Variants in CCDC92B observed in about 807,000 individuals in gnomAD.
CCDC92B encodes coiled-coil domain containing 92B.
CCDC92B carries 2 observed loss-of-function variants against 5.6 expected under a neutral mutation model. The ratio of observed to expected loss-of-function variants is 0.36; its 90% CI spans 0.15 to 1.12. The LOEUF (loss-of-function observed/expected upper bound fraction) is 1.12, where lower values mean the gene tolerates loss of function less well. Among genes scored for constraint, CCDC92B ranks in the 50% most tolerant of loss-of-function variants. The pLI, the probability that CCDC92B is intolerant of heterozygous loss-of-function variation, is 0.40. For missense variants in CCDC92B, 271 were observed against 262.2 expected, an observed-to-expected ratio of 1.03 and a Z score of -0.23; for synonymous variants, 115 against 122.3, an observed-to-expected ratio of 0.94 and a Z score of 0.39.
chr17:2,742,153 C>A (rs2070933620), intron 1 of CCDC92B, among the ~76,000 whole-genome samples: 2 of 151,674 alleles, frequency 1.3e-5, no homozygotes, highest in South Asian at 4.2e-4. Flanking sequence ...CTCATTGCAG[C>A]CTCCAACTCC....
rs1450933872 is a variant in CCDC92B, at chr17:2,724,379, T to A, written c.*32A>T. The A allele has an allele frequency of 1.0e-6, 1 of 984,794 alleles. No individual in the cohort carries two copies. Among genetic ancestry groups the A allele is most frequent in the African/African-American group, 1.8e-5 (1 of 57,136 alleles). The allele number at this position is 984,794 out of a possible 1,614,324, so 61.0% of individuals were successfully genotyped here. A position where few individuals can be genotyped will look rare whatever the true frequency, so the allele number is the denominator to read the frequency against. The stretch of plus-strand genomic sequence containing the variant: ...CTGCGTCCCTGGCCGGCCCTCCCCG[T>A]CCGTCCCGCGTCACCCCGGCCAGCC... On this transcript the variant is annotated 3_prime_UTR_variant, in exon 4 of 4. Transcript: ENST00000614400. This position sits in a 1 kb window ranked among gnomAD's most constrained non-coding sequence, Gnocchi z 5.0.
chr17:2,728,796 G>A (rs2070765474), intron 3 of CCDC92B, among the ~76,000 whole-genome samples: 5 of 152,138 alleles, frequency 3.3e-5, no homozygotes, highest in Admixed American at 3.3e-4. Flanking sequence ...CCAAGAGGTT[G>A]CCTGTGGTTG....
chr17:2,739,881 C>T (rs752250211), intron 1 of CCDC92B, among the ~76,000 whole-genome samples: 9 of 152,006 alleles, frequency 5.9e-5, no homozygotes, highest in Non-Finnish European at 1.3e-4. Context: ...CTACTATTGC[C>T]AAGCACTGTC....
chr17:2,745,876 TCCTGAG>T (rs2070979855), intron 1 of CCDC92B, among the ~76,000 whole-genome samples: 1 of 152,198 alleles, frequency 6.6e-6, no homozygotes, highest in Admixed American at 6.5e-5. Flanking sequence ...CTGTCCACTG[TCCTGAG>T]CACCTCAGAG....
At chr17:2,729,234 T>C (rs1424902111) in intron 3 of CCDC92B, among the ~76,000 whole-genome samples, 1 of 152,146 alleles carries the variant, frequency 6.6e-6, no homozygotes, top group Non-Finnish European at 1.5e-5. Flanking sequence ...CTCACACCTG[T>C]ACTTCCAGCA....
chr17:2,737,258 G>A (rs2070867704), intron 1 of CCDC92B, among the ~76,000 whole-genome samples: 1 of 152,060 alleles, frequency 6.6e-6, no homozygotes, highest in Non-Finnish European at 1.5e-5. Context: ...CAGTGGGAGA[G>A]ACAGGCCAGT....
intron 2 of CCDC92B, among the ~76,000 whole-genome samples, chr17:2,731,811 C>T (rs1436015871): frequency 1.3e-5 from 2 of 152,246 alleles, no homozygotes; most frequent in Non-Finnish European, 2.9e-5. Flanking sequence ...GCCCAGGGAC[C>T]TTGGCCTAGG....
chr17:2,722,712 G>C lies in CCDC92B; in HGVS notation c.*1699C>G, dbSNP rs2070671573. 2 of 152,336 alleles carry C rather than the reference G, an allele frequency of 1.3e-5. No homozygotes were observed. Among genetic ancestry groups the C allele is most frequent in the Non-Finnish European group, 1.5e-5 (1 of 68,120 alleles). The allele number at this position is 152,336 out of a possible 1,614,324, so 9.4% of individuals were successfully genotyped here. On this transcript the variant is annotated 3_prime_UTR_variant, in exon 4 of 4. Transcript: ENST00000614400. ...CCCAGACCCCTGCGTGACAGAATGTGTGGCCTCAGCCAGGGTCAGGACCTG... is the reference window on the plus strand; with the variant it reads ...CCCAGACCCCTGCGTGACAGAATGTCTGGCCTCAGCCAGGGTCAGGACCTG...
chr17:2,742,097 G>A (rs1288406081), intron 1 of CCDC92B, among the ~76,000 whole-genome samples: 1 of 150,152 alleles, frequency 6.7e-6, no homozygotes, highest in Non-Finnish European at 1.5e-5. Flanking sequence ...TTTGAGACGG[G>A]ATCTCACTCT....
intron 1 of CCDC92B, among the ~76,000 whole-genome samples, chr17:2,744,216 CAA>C (rs2070959497): frequency 6.8e-6 from 1 of 147,574 alleles, no homozygotes; most frequent in Non-Finnish European, 1.5e-5. Flanking sequence ...TTTGTAGAGA[CAA>C]GAGTTTCACT....
At chr17:2,740,091 T>G (rs1035151974) in intron 1 of CCDC92B, among the ~76,000 whole-genome samples, 3 of 152,100 alleles carry the variant, frequency 2.0e-5, no homozygotes, top group African/African-American at 7.3e-5. Flanking sequence ...GCTTTAGATT[T>G]GAGGTGAGGA....
chr17:2,740,585 C>T (rs2070914619), intron 1 of CCDC92B, among the ~76,000 whole-genome samples: 1 of 151,856 alleles, frequency 6.6e-6, no homozygotes, highest in African/African-American at 2.4e-5. Context: ...ATCACTTGAA[C>T]CCAGGAGGCG....
intron 3 of CCDC92B, among the ~76,000 whole-genome samples, chr17:2,727,823 C>CA (rs11456542): frequency 0.48 from 56,600 of 118,250 alleles, 12,235 homozygotes; most frequent in Non-Finnish European, 0.54. Flanking sequence ...GACTCCGTCT[C>CA]AAAAAAAAAA....
At chr17:2,747,942 C>T (rs1394110208) in intron 1 of CCDC92B, 2 of 339,996 alleles carry the variant, frequency 5.9e-6, no homozygotes, top group South Asian at 4.6e-5. Context: ...AACAACCCCA[C>T]GTTGAAGATT....
chr17:2,743,448 A>G (rs1486230269), intron 1 of CCDC92B, among the ~76,000 whole-genome samples: 1 of 152,154 alleles, frequency 6.6e-6, no homozygotes, highest in African/African-American at 2.4e-5. Flanking sequence ...TAACAAAAAC[A>G]AATATAAGTC....
chr17:2,733,949 G>A lies in CCDC92B; in HGVS notation c.130+1067C>T, dbSNP rs372503888. 1.9e-4 allele frequency among the ~76,000 whole-genome samples: 29 copies of A among 151,438 alleles called. No homozygotes were observed. The South Asian group carries it at 4.4e-3, about 23-fold the overall frequency. Reference sequence around the variant, plus strand: ...AATTTTTTGTATTTTTAGTAGAGACGGGGTTTCGCCACGTTGGCCAGGCTG... The same window carrying A: ...AATTTTTTGTATTTTTAGTAGAGACAGGGTTTCGCCACGTTGGCCAGGCTG... On this transcript the variant is annotated intron_variant, in intron 2 of 3. Coordinates refer to ENST00000614400, the MANE Select transcript of CCDC92B (RefSeq NM_001355573.2).
At chr17:2,734,154 G>A (rs748621911) in intron 2 of CCDC92B, among the ~76,000 whole-genome samples, 1 of 152,056 alleles carries the variant, frequency 6.6e-6, no homozygotes, top group Non-Finnish European at 1.5e-5. Context: ...TTCGACCTTT[G>A]CCGTGCTGTT....
In CCDC92B at chr17:2,721,888, G is replaced by C. The variant is rs972600457; in HGVS notation, c.*2523C>G. ...TGGGTGGAGCTGATGGGGTCACTTC[G>C]GGAGAAGCAGGCAGGCCACTGGAAG... On this transcript the variant is annotated 3_prime_UTR_variant, in exon 4 of 4. Transcript: ENST00000614400. 1 of 152,258 alleles carries C rather than the reference G, an allele frequency of 6.6e-6. No individual in the cohort carries two copies. The highest frequency in any genetic ancestry group is 1.5e-5 in the Non-Finnish European group (1 of 68,146). The allele number at this position is 152,258 out of a possible 1,614,324, so 9.4% of individuals were successfully genotyped here.
chr17:2,739,254 C>T (rs2070896786), intron 1 of CCDC92B, among the ~76,000 whole-genome samples: 1 of 150,842 alleles, frequency 6.6e-6, no homozygotes, highest in Non-Finnish European at 1.5e-5. Context: ...GTAGTCCCAG[C>T]TACTCGGGAG....
Sources: gnomAD v4.1 joint callset for allele counts (sites outside exome capture counted in the v4.1 genomes callset) on GRCh38, gnomAD v4.1.1 for gene constraint, Gnocchi (gnomAD v3.1) non-coding constraint, MANE v1.5 for transcripts, NCBI Gene and HGNC (gene_info 2026-07-23, HGNC 2026-07-21) for gene names.